Variants in URGCP observed in about 807,000 individuals in gnomAD.
URGCP encodes the protein upregulator of cell proliferation, also known as up-regulator of cell proliferation.
In URGCP, 13 loss-of-function variants were observed where a neutral mutation model predicts 24.6. The observed-to-expected ratio is 0.53, with a 90% CI of 0.34 to 0.84. The LOEUF (loss-of-function observed/expected upper bound fraction) is 0.84, where lower values mean the gene tolerates loss of function less well. Ranked by LOEUF, URGCP falls within the 40% of genes least tolerant of loss-of-function variation. The pLI is 0.01. For synonymous variants in URGCP, 444 were observed against 487.2 expected (o/e 0.91, Z 1.17); for missense variants, 899 against 1,194.3 (o/e 0.75, Z 3.64).
intron 3 of URGCP, 184 bp from the exon 4 acceptor site, chr7:43,882,141 T>G: frequency 9.9e-7 from 1 of 1,009,672 alleles, no homozygotes; most frequent in Non-Finnish European, 1.3e-6. Context: ...CTACAAAGAC[T>G]TTTTTTAAAA....
chr7:43,877,635 G>C lies in URGCP; in HGVS notation c.1828C>G (p.Pro610Ala). 1 of 1,614,152 alleles carries C rather than the reference G, an allele frequency of 6.2e-7. No individual in the cohort carries two copies. Among genetic ancestry groups the C allele is most frequent in the Non-Finnish European group, 8.5e-7 (1 of 1,180,044 alleles). Residue 610 changes from proline (P) to alanine (A), a missense_variant, in exon 6 of 6, where the codon CCC (proline) becomes GCC (alanine). Transcript: ENST00000453200. ...TDVGEPLWPE[P>A]LGVEHFLREM... ...CGCAAGAAGTGTTCCACCCCTAGGG[G>C]CTCAGGCCAGAGCGGCTCCCCCACG... is the stretch of plus-strand genomic sequence containing the variant.
At position 43,925,773 on chromosome 7, in the gene URGCP, T is replaced by C. The variant is rs541620318; in HGVS notation, c.-116+359A>G. 9.6e-5 allele frequency among the ~76,000 whole-genome samples: 14 copies of C among 146,556 alleles called. No individual in the cohort carries two copies. The East Asian group carries it at 2.7e-3, about 29-fold the overall frequency. On this transcript the variant is annotated intron_variant, in intron 1 of 5. Transcript: ENST00000426198. ...CCTCGGCCTCCCAAAGTGCTGGGAT[T>C]ATAGGCGTGAGCCACCTCGTCTGGC...
At chr7:43,921,337 A>G (rs1434201166) in intron 1 of URGCP, among the ~76,000 whole-genome samples, 1 of 150,216 alleles carries the variant, frequency 6.7e-6, no homozygotes, top group Non-Finnish European at 1.5e-5. Context: ...AAAAAAAAAA[A>G]GAAAAAAAGA....
At chr7:43,885,160 G>A (rs2095860274) in intron 3 of URGCP, among the ~76,000 whole-genome samples, 1 of 150,720 alleles carries the variant, frequency 6.6e-6, no homozygotes, top group South Asian at 2.1e-4. Flanking sequence ...GAGTGCAGTG[G>A]TATGATCCCG....
intron 1 of URGCP, 182 bp from the exon 2 acceptor site, chr7:43,887,998 G>A: frequency 1.8e-6 from 1 of 568,728 alleles, no homozygotes. Context: ...GAGATATTAG[G>A]GAAAGCTGTT....
At chr7:43,904,144 C>T (rs923925564) in intron 1 of URGCP, among the ~76,000 whole-genome samples, 1 of 152,236 alleles carries the variant, frequency 6.6e-6, no homozygotes, top group Non-Finnish European at 1.5e-5. Flanking sequence ...GAGTGGTGGG[C>T]AGTGAGTCCA....
intron 1 of URGCP, among the ~76,000 whole-genome samples, chr7:43,900,923 T>G (rs1231648196): frequency 6.6e-6 from 1 of 152,238 alleles, no homozygotes; most frequent in African/African-American, 2.4e-5. Context: ...ATACTGCATG[T>G]GTTCTGTAAT....
At chr7:43,906,680 C>T, upstream of URGCP, 1 of 1,028,878 alleles carries the variant, frequency 9.7e-7, no homozygotes, top group Non-Finnish European at 1.2e-6. Flanking sequence ...CGCTCCGGGA[C>T]GCGCTCCAGG....
chr7:43,881,866 T>A (rs754362795), intron 4 of URGCP, 41 bp downstream of exon 4: 1 of 1,609,754 alleles, frequency 6.2e-7, no homozygotes, highest in Admixed American at 1.7e-5. Context: ...CCACTCCCCC[T>A]CTCCCCAGTC....
At position 43,918,883 on chromosome 7, in the gene URGCP, G is replaced by A. The variant is rs1156321669; in HGVS notation, c.-116+7249C>T. The A allele has an allele frequency of 1.2e-5, 17 of 1,407,270 alleles. No homozygotes were observed. In the East Asian group the frequency reaches 1.6e-4, roughly 13 times the overall value. The allele number at this position is 1,407,270 out of a possible 1,614,324, so 87.2% of individuals were successfully genotyped here. ...GCAGACGATGAGCACTACATCCCCC[G>A]GGCTGTGCTGCTGGACCTGGAGCCC... On this transcript the variant is annotated intron_variant, in intron 1 of 5. Coordinates refer to the URGCP transcript ENST00000426198.
chr7:43,923,936 C>A (rs574547894), intron 1 of URGCP, among the ~76,000 whole-genome samples: 229 of 152,174 alleles, frequency 1.5e-3, no homozygotes, highest in African/African-American at 5.4e-3. Context: ...GTGGTGCAAT[C>A]TCAGCTCACT....
chr7:43,906,507 G>C, intron 1 of URGCP, 55 bp downstream of exon 1: 1 of 1,179,586 alleles, frequency 8.5e-7, no homozygotes. Flanking sequence ...TCCGGGTCCC[G>C]CTCCCGTTCC....
intron 1 of URGCP, among the ~76,000 whole-genome samples, chr7:43,892,032 T>A (rs1283294821): frequency 1.3e-5 from 2 of 152,096 alleles, no homozygotes; most frequent in Non-Finnish European, 2.9e-5. Flanking sequence ...AGGCCTGCCT[T>A]GGCCTCCCAA....
intron 1 of URGCP, among the ~76,000 whole-genome samples, chr7:43,890,436 T>C (rs1338468970): frequency 1.3e-5 from 2 of 150,174 alleles, no homozygotes; most frequent in African/African-American, 4.9e-5. Flanking sequence ...CAGGATGGTC[T>C]CGATCTCCTG....
rs969153610 is a variant in URGCP, at chr7:43,919,682, G to A, written c.-116+6450C>T. 44 of 1,379,844 alleles carry A rather than the reference G, an allele frequency of 3.2e-5. No homozygotes were observed. In the South Asian group the frequency reaches 3.7e-4, roughly 12 times the overall value. The allele number at this position is 1,379,844 out of a possible 1,614,324, so 85.5% of individuals were successfully genotyped here. A position where few individuals can be genotyped will look rare whatever the true frequency, so the allele number is the denominator to read the frequency against. On this transcript the variant is annotated intron_variant, in intron 1 of 5. Transcript: ENST00000426198. ...TCCTCAACACCATCCAGGGAGAGGT[G>A]GACCCCACCCAGGTCCACAAGAGCC...
intron 1 of URGCP, among the ~76,000 whole-genome samples, chr7:43,895,280 G>A (rs971140572): frequency 6.6e-6 from 1 of 152,048 alleles, no homozygotes; most frequent in African/African-American, 2.4e-5. Flanking sequence ...ACATATATAT[G>A]GCCAAGAAAT....
chr7:43,878,268 T>G lies in URGCP; in HGVS notation c.1195A>C (p.Arg399=), dbSNP rs758754406. 1.2e-6 allele frequency: 2 copies of G among 1,614,222 alleles called. No individual in the cohort carries two copies. Among genetic ancestry groups the G allele is most frequent in the Admixed American group, 3.3e-5 (2 of 60,024 alleles). ...PYRGKRNTNL[R]FLNKLIPVLK... ...ACAGGAATTAACTTATTCAGAAATC[T>G]CAGGTTTGTGTTGCGCTTCCCACGG... The change falls in exon 6 of 6, where the codon AGA becomes CGA. Residue 399 remains arginine, a synonymous_variant. Transcript: ENST00000453200. This position sits in a 1 kb window ranked among gnomAD's most constrained non-coding sequence, Gnocchi z 5.6.
chr7:43,876,464 G>A lies in URGCP; in HGVS notation c.*203C>T, dbSNP rs2095844462. On this transcript the variant is annotated 3_prime_UTR_variant, in exon 6 of 6. Transcript: ENST00000453200. ...TACCCTGGGGGCTGTGATATTCTTG[G>A]TAACATCTCTGAGCTGGTCTGTGAG... is the stretch of plus-strand genomic sequence containing the variant. 1.7e-6 allele frequency: 1 copy of A among 601,856 alleles called. No homozygotes were observed. Among genetic ancestry groups the A allele is most frequent in the Non-Finnish European group, 2.9e-6 (1 of 344,508 alleles). The allele number at this position is 601,856 out of a possible 1,614,324, so 37.3% of individuals were successfully genotyped here.
At chr7:43,901,897 T>C (rs1585824041) in intron 1 of URGCP, among the ~76,000 whole-genome samples, 1 of 152,072 alleles carries the variant, frequency 6.6e-6, no homozygotes, top group Non-Finnish European at 1.5e-5. Flanking sequence ...TTAATGGGGG[T>C]GCTTTCAGCT....
Sources: gnomAD v4.1 joint callset for allele counts (sites outside exome capture counted in the v4.1 genomes callset) on GRCh38, gnomAD v4.1.1 for gene constraint, Gnocchi (gnomAD v3.1) non-coding constraint, MANE v1.5 for transcripts, NCBI Gene and HGNC (gene_info 2026-07-23, HGNC 2026-07-21) for gene names.